FMN1: variants seen among roughly 807,000 people sequenced by gnomAD.
The protein encoded by FMN1 is formin-1.
A neutral mutation model predicts 132.4 loss-of-function variants in FMN1; 110 were observed. The observed-to-expected ratio is 0.83, with a 90% confidence interval of 0.71 to 0.97. The LOEUF is 0.97. FMN1 is among the 50% of genes least tolerant of loss of function. The probability of loss-of-function intolerance (pLI) is 0.00; values close to 1 mark genes in which losing one functional copy is unlikely to be tolerated. For synonymous variants in FMN1, 722 were observed against 651.7 expected (o/e 1.11, Z -1.64); for missense variants, 1,792 against 1,705.3 (o/e 1.05, Z -0.90).
chr15:33,081,656 G>GT (rs2141326210), intron 5 of FMN1, among the ~76,000 whole-genome samples: 1 of 152,328 alleles, frequency 6.6e-6, no homozygotes, highest in East Asian at 1.9e-4. Flanking sequence ...AACAAGTCCA[G>GT]AAGTAGTGGA....
chr15:33,099,395 G>GCA (rs779261992), intron 4 of FMN1, among the ~76,000 whole-genome samples: 1 of 152,158 alleles, frequency 6.6e-6, no homozygotes, highest in Non-Finnish European at 1.5e-5. Context: ...CTACCTTCTA[G>GCA]CACTTCTGTA....
chr15:32,770,821 C>CA lies in FMN1; in HGVS notation c.*3488dup, dbSNP rs1245859722. The CA allele has an allele frequency of 1.3e-5, 2 of 149,410 alleles. No individual in the cohort carries two copies. Among genetic ancestry groups the CA allele is most frequent in the Non-Finnish European group, 3.0e-5 (2 of 67,568 alleles). The allele number at this position is 149,410 out of a possible 1,614,324, so 9.3% of individuals were successfully genotyped here. On this transcript the variant is annotated 3_prime_UTR_variant, in exon 21 of 21. Transcript: ENST00000616417. Reference sequence around the variant, plus strand: ...CACTGGGTTTCCTTATTCCACTTCTCAGATTTCAGAAAATCTTTATAATTC... The same window carrying CA: ...CACTGGGTTTCCTTATTCCACTTCTCAAGATTTCAGAAAATCTTTATAATTC...
chr15:32,954,537 G>A (rs1049163075), intron 9 of FMN1, among the ~76,000 whole-genome samples: 1 of 152,180 alleles, frequency 6.6e-6, no homozygotes, highest in Non-Finnish European at 1.5e-5. Context: ...GGACTTGTTC[G>A]GGATTCGATA....
At chr15:33,166,351 T>C (rs1442797255) in intron 3 of FMN1, among the ~76,000 whole-genome samples, 1 of 150,878 alleles carries the variant, frequency 6.6e-6, no homozygotes, top group African/African-American at 2.4e-5. Context: ...GAAAGACCAA[T>C]GAAACAAAGT....
chr15:32,784,192 C>G (rs1299419933), intron 19 of FMN1, among the ~76,000 whole-genome samples: 2 of 152,134 alleles, frequency 1.3e-5, no homozygotes, highest in Non-Finnish European at 2.9e-5. Flanking sequence ...TAGTTTGGAG[C>G]AGTGTTTGTA....
At chr15:33,033,336 C>T (rs886581060) in intron 6 of FMN1, among the ~76,000 whole-genome samples, 2 of 152,050 alleles carry the variant, frequency 1.3e-5, no homozygotes, top group Non-Finnish European at 2.9e-5. Context: ...GGCTCATCTT[C>T]GCTCTTAACT....
intron 16 of FMN1, among the ~76,000 whole-genome samples, chr15:32,867,320 C>A (rs866672350): frequency 9.2e-5 from 14 of 152,220 alleles, no homozygotes; most frequent in Admixed American, 7.2e-4. Flanking sequence ...CCATGCGCTA[C>A]GTCTTGCCTG....
At chr15:33,137,183 C>A (rs954323852) in intron 4 of FMN1, among the ~76,000 whole-genome samples, 2 of 149,022 alleles carry the variant, frequency 1.3e-5, no homozygotes, top group Non-Finnish European at 3.0e-5. Flanking sequence ...TGTAAAAGTT[C>A]TGGGTAAGCA....
At chr15:32,819,032 A>T (rs2058133832) in intron 17 of FMN1, among the ~76,000 whole-genome samples, 1 of 152,268 alleles carries the variant, frequency 6.6e-6, no homozygotes, top group East Asian at 1.9e-4. Flanking sequence ...TGATTTATGA[A>T]GCTGAAGTCA....
chr15:32,979,629 A>G (rs1464423384), intron 7 of FMN1, among the ~76,000 whole-genome samples: 1 of 151,784 alleles, frequency 6.6e-6, no homozygotes, highest in Non-Finnish European at 1.5e-5. Context: ...AAACAGTAAT[A>G]TATTTGTAAG....
rs772209223 is a variant in FMN1, at chr15:32,968,873, G to A, written c.2828C>T (p.Pro943Leu). The A allele has an allele frequency of 2.3e-6, 3 of 1,311,596 alleles. No individual in the cohort carries two copies. Among genetic ancestry groups the A allele is most frequent in the East Asian group, 2.3e-5 (1 of 43,210 alleles). The allele number at this position is 1,311,596 out of a possible 1,614,324, so 81.2% of individuals were successfully genotyped here. ...SPAPPNPGGP[P>L]PAPPPPGLAP... ...AAGTCCTGGGGGTGGTGGAGCAGGA[G>A]GAGGCCCTCCAGGGTTGGGTGGGGC... is the stretch of plus-strand genomic sequence containing the variant. Residue 943 changes from proline (P) to leucine (L), a missense_variant, in exon 8 of 21, where the codon CCT becomes CTT. Coordinates refer to ENST00000616417, the MANE Select transcript of FMN1 (RefSeq NM_001277313.2).
At chr15:33,104,866 A>G (rs764478414) in intron 4 of FMN1, among the ~76,000 whole-genome samples, 59 of 152,166 alleles carry the variant, frequency 3.9e-4, no homozygotes, top group Non-Finnish European at 6.5e-4. Context: ...GTTAAAAACA[A>G]TGCTAATTTC....
intron 6 of FMN1, among the ~76,000 whole-genome samples, chr15:33,044,125 C>T (rs572613339): frequency 7.2e-5 from 11 of 152,360 alleles, no homozygotes; most frequent in African/African-American, 2.4e-4. Context: ...ATGCCAGCCC[C>T]CTGGGGCCTT....
At position 32,968,226 on chromosome 15, in the gene FMN1, C is replaced by G. The variant is rs79896968; in HGVS notation, c.2987+488G>C. On this transcript the variant is annotated intron_variant, in intron 8 of 20. Coordinates refer to ENST00000616417, the MANE Select transcript of FMN1 (RefSeq NM_001277313.2). ...CTCCTCTGATCTAAAGAACTAATAA[C>G]TTAGCCATGTCTCATTCTTTTAATA... 9.5e-3 allele frequency among the ~76,000 whole-genome samples: 1,454 copies of G among 152,336 alleles called. 27 individuals carry two copies. Among genetic ancestry groups the G allele is most frequent in the African/African-American group, 0.031 (1,306 of 41,574 alleles).
At chr15:33,023,767 A>G (rs944819926) in intron 6 of FMN1, among the ~76,000 whole-genome samples, 1 of 152,304 alleles carries the variant, frequency 6.6e-6, no homozygotes, top group Non-Finnish European at 1.5e-5. Context: ...AAGCATATAA[A>G]TAAAGCCAAG....
rs1167284465 is a variant in FMN1, at chr15:33,154,679, G to C, written c.236C>G (p.Pro79Arg). Residue 79 changes from proline to arginine, a missense_variant, in exon 4 of 21, where the codon CCC becomes CGC. Pro to Arg is a moderately radical substitution (Grantham distance 103, BLOSUM62 -2). Coordinates refer to ENST00000616417, the MANE Select transcript of FMN1 (RefSeq NM_001277313.2). ...HPGDIFFKQTPTKDILTELYK... is the reference protein window; with the variant it reads ...HPGDIFFKQTRTKDILTELYK... ...CAGCTCAGTTAGAATGTCTTTCGTG[G>C]GAGTCTGCTTGAAAAATATGTCGCC... The C allele has an allele frequency of 6.5e-7, 1 of 1,536,046 alleles. No homozygotes were observed. The highest frequency in any genetic ancestry group is 2.0e-5 in the Admixed American group (1 of 50,994).
At chr15:33,018,337 C>A (rs775742056) in intron 6 of FMN1, among the ~76,000 whole-genome samples, 1 of 152,004 alleles carries the variant, frequency 6.6e-6, no homozygotes, top group African/African-American at 2.4e-5. Context: ...AGGATGGGGG[C>A]AGGACACCTG....
intron 11 of FMN1, among the ~76,000 whole-genome samples, chr15:32,909,312 C>G (rs2060501990): frequency 6.6e-6 from 1 of 152,192 alleles, no homozygotes; most frequent in South Asian, 2.1e-4. Context: ...TTGGAACTCC[C>G]TCTTTCTGCC....
intron 8 of FMN1, among the ~76,000 whole-genome samples, chr15:32,965,993 G>A (rs1426845421): frequency 6.6e-6 from 1 of 152,114 alleles, no homozygotes; most frequent in Admixed American, 6.5e-5. Context: ...AGACGGGGGA[G>A]AAGTAGGATC....
Sources: allele counts gnomAD v4.1 joint callset (sites outside exome capture counted in the v4.1 genomes callset), GRCh38; gene constraint gnomAD v4.1.1; transcripts MANE v1.5; gene names NCBI Gene and HGNC (gene_info 2026-07-23, HGNC 2026-07-21).